Variants in MRTFA observed in about 807,000 individuals in gnomAD.
MRTFA encodes myocardin-related transcription factor A.
A neutral mutation model predicts 83.5 loss-of-function variants in MRTFA; 20 were observed. The ratio of observed to expected loss-of-function variants is 0.24; its 90% CI spans 0.17 to 0.35. The LOEUF (loss-of-function observed/expected upper bound fraction) is 0.35, where lower values mean the gene tolerates loss of function less well. Among genes scored for constraint, MRTFA ranks in the 10% least tolerant of loss-of-function variants. The pLI, the probability that MRTFA is intolerant of heterozygous loss-of-function variation, is 1.00. For synonymous variants in MRTFA, 659 were observed against 541.2 expected, an observed-to-expected ratio of 1.22 and a Z score of -3.02; for missense variants, 1,200 against 1,224.7, an observed-to-expected ratio of 0.98 and a Z score of 0.30.
intron 1 of MRTFA, among the ~76,000 whole-genome samples, chr22:40,634,734 C>A (rs1013085798): frequency 1.3e-5 from 2 of 152,220 alleles, no homozygotes; most frequent in Admixed American, 1.3e-4. Flanking sequence ...TTAAGTAGTA[C>A]TTGTAATTAC....
chr22:40,613,118 C>T (rs543244805), intron 1 of MRTFA, among the ~76,000 whole-genome samples: 20 of 152,114 alleles, frequency 1.3e-4, no homozygotes, highest in Non-Finnish European at 2.5e-4. Flanking sequence ...CTTTTGTTTT[C>T]TTTCACTCAA....
Position 40,536,243 on chromosome 22 carries a change from C to T in MRTFA, c.241+15863G>A, listed in dbSNP as rs146057902. Among the ~76,000 whole-genome samples, 333 of 152,094 alleles carry T rather than the reference C, an allele frequency of 2.2e-3. 3 individuals carry two copies. The highest frequency in any genetic ancestry group is 7.6e-3 in the African/African-American group (316 of 41,518). Reference sequence around the variant, plus strand: ...ACTTGGGCCCAGGAGTTCCAGGCTACAGTGAGCTGTGATCACCCCACTAAA... The same window carrying T: ...ACTTGGGCCCAGGAGTTCCAGGCTATAGTGAGCTGTGATCACCCCACTAAA... On this transcript the variant is annotated intron_variant, in intron 3 of 14. Coordinates refer to ENST00000355630, the MANE Select transcript of MRTFA (RefSeq NM_020831.6).
intron 6 of MRTFA, 131 bp downstream of exon 6, chr22:40,431,274 T>C: frequency 1.2e-6 from 1 of 823,058 alleles, no homozygotes; most frequent in Non-Finnish European, 2.1e-6. Context: ...TCGTACGGTG[T>C]TAAGGCTCTG....
chr22:40,500,726 A>G (rs1490908064), intron 3 of MRTFA, among the ~76,000 whole-genome samples: 1 of 150,176 alleles, frequency 6.7e-6, no homozygotes. Flanking sequence ...TCACAGATCA[A>G]CAGGATCCCA....
At chr22:40,515,990 A>G (rs118001700) in intron 3 of MRTFA, among the ~76,000 whole-genome samples, 1 of 152,234 alleles carries the variant, frequency 6.6e-6, no homozygotes, top group Non-Finnish European at 1.5e-5. Context: ...CTTAGTTGGG[A>G]TTAAACATAT....
rs150590411 is a variant in MRTFA, at chr22:40,423,810, G to A, written c.778-125C>T. On this transcript the variant is annotated intron_variant, in intron 8 of 14. Transcript: ENST00000355630. ...AGAGGGCAAATGGTGGGCAGAGACC[G>A]GAGGAGGAGAAGAGCAACCCCCAGG... 1.3e-3 allele frequency: 1,215 copies of A among 921,732 alleles called. 11 individuals are homozygous for A. The African/African-American group carries it at 0.017, about 13-fold the overall frequency. The allele number at this position is 921,732 out of a possible 1,614,324, so 57.1% of individuals were successfully genotyped here. A position where few individuals can be genotyped will look rare whatever the true frequency, so the allele number is the denominator to read the frequency against.
chr22:40,570,315 C>T (rs1388761083), intron 2 of MRTFA, among the ~76,000 whole-genome samples: 5 of 151,932 alleles, frequency 3.3e-5, no homozygotes, highest in African/African-American at 4.8e-5. Flanking sequence ...GTGGCTCATG[C>T]CTGTAATCCC....
At chr22:40,533,562 T>C in intron 3 of MRTFA, 1 of 1,207,730 alleles carries the variant, frequency 8.3e-7, no homozygotes, top group Middle Eastern at 3.2e-4. Flanking sequence ...TATTAGCAAG[T>C]TAGGAAATTA....
At chr22:40,600,279 T>A (rs1039428023) in intron 1 of MRTFA, among the ~76,000 whole-genome samples, 2 of 152,162 alleles carry the variant, frequency 1.3e-5, no homozygotes, top group African/African-American at 2.4e-5. Context: ...AAAGTGCTGG[T>A]AATGACTAAA....
chr22:40,506,542 C>T (rs901700654), intron 3 of MRTFA, among the ~76,000 whole-genome samples: 5 of 152,178 alleles, frequency 3.3e-5, no homozygotes, highest in South Asian at 2.1e-4. Context: ...TTACAATCTA[C>T]GTCTCACTGG....
chr22:40,489,245 T>C (rs1219999145), intron 3 of MRTFA, among the ~76,000 whole-genome samples: 1 of 152,210 alleles, frequency 6.6e-6, no homozygotes, highest in Non-Finnish European at 1.5e-5. Context: ...TCAGATATTC[T>C]TAATACTTTT....
chr22:40,480,211 G>T (rs1383407585), intron 3 of MRTFA, among the ~76,000 whole-genome samples: 3 of 152,030 alleles, frequency 2.0e-5, no homozygotes, highest in Non-Finnish European at 2.9e-5. Context: ...CTGTCTGAAT[G>T]TATAGCCTGA....
intron 1 of MRTFA, among the ~76,000 whole-genome samples, chr22:40,596,103 T>C (rs558422957): frequency 6.6e-6 from 1 of 152,048 alleles, no homozygotes; most frequent in East Asian, 1.9e-4. Context: ...TCCTAGAACA[T>C]ACTGTCTTTG....
intron 3 of MRTFA, among the ~76,000 whole-genome samples, chr22:40,495,304 T>C (rs1160023013): frequency 6.6e-6 from 1 of 151,908 alleles, no homozygotes; most frequent in East Asian, 1.9e-4. Flanking sequence ...CAAAAAAAAT[T>C]AGCCAGGTGT....
At chr22:40,626,943 A>C (rs1408215413) in intron 1 of MRTFA, among the ~76,000 whole-genome samples, 1 of 151,832 alleles carries the variant, frequency 6.6e-6, no homozygotes, top group Non-Finnish European at 1.5e-5. Context: ...CCACTCTAAC[A>C]CCAAAATTCA....
chr22:40,632,036 T>C (rs1245690102), intron 1 of MRTFA, among the ~76,000 whole-genome samples: 1 of 152,210 alleles, frequency 6.6e-6, no homozygotes, highest in Non-Finnish European at 1.5e-5. Context: ...GGAAAAATGA[T>C]GGTATGTGAC....
intron 2 of MRTFA, among the ~76,000 whole-genome samples, chr22:40,573,694 G>C (rs1348929431): frequency 6.6e-6 from 1 of 151,782 alleles, no homozygotes; most frequent in East Asian, 1.9e-4. Context: ...TTTGAGCCCA[G>C]GAATTCAAGA....
At position 40,418,446 on chromosome 22, in the gene MRTFA, C is replaced by T. The variant is rs2052736660; in HGVS notation, c.2292G>A (p.Gly764=). The stretch of plus-strand genomic sequence containing the variant: ...TGGTCACGGTGAGGACAAGGTGGGT[C>T]CCTGTGGAGTCGGTGATGAGGGTGG... The change falls in exon 12 of 15, where the codon GGG becomes GGA. Residue 764 remains glycine, a synonymous_variant. Coordinates refer to ENST00000355630, the MANE Select transcript of MRTFA (RefSeq NM_020831.6). The T allele has an allele frequency of 8.1e-6, 13 of 1,613,876 alleles. No homozygotes were observed. The highest frequency in any genetic ancestry group is 1.1e-5 in the Non-Finnish European group (13 of 1,179,944).
At chr22:40,490,375 C>T (rs1184150939) in intron 3 of MRTFA, among the ~76,000 whole-genome samples, 2 of 151,994 alleles carry the variant, frequency 1.3e-5, no homozygotes, top group Non-Finnish European at 2.9e-5. Context: ...CCAAGGCCGG[C>T]GGATCATGAG....
Sources: gnomAD v4.1 joint callset for allele counts (sites outside exome capture counted in the v4.1 genomes callset) on GRCh38, gnomAD v4.1.1 for gene constraint, MANE v1.5 for transcripts, NCBI Gene and HGNC (gene_info 2026-07-23, HGNC 2026-07-21) for gene names.